The following PALM2AKAP2 variants were observed in gnomAD, a reference collection of about 807,000 sequenced individuals.
The protein encoded by PALM2AKAP2 is PALM2 and AKAP2 fusion, also known as PALM2-AKAP2 fusion protein.
PALM2AKAP2 carries 37 observed loss-of-function variants against 71.5 expected under a neutral mutation model. The ratio of observed to expected loss-of-function variants is 0.52; its 90% CI spans 0.40 to 0.68. PALM2AKAP2 has a LOEUF of 0.68. Among genes scored for constraint, PALM2AKAP2 ranks in the 30% least tolerant of loss-of-function variants. PALM2AKAP2 has a pLI of 0.00. For synonymous variants in PALM2AKAP2, 468 were observed against 478.8 expected (o/e 0.98, Z 0.29); for missense variants, 1,224 against 1,191.8 (o/e 1.03, Z -0.40).
intron 1 of PALM2AKAP2, among the ~76,000 whole-genome samples, chr9:109,704,717 T>G (rs1249231549): frequency 1.3e-5 from 2 of 152,194 alleles, no homozygotes; most frequent in Non-Finnish European, 2.9e-5. Flanking sequence ...ACCATCTACC[T>G]TCCCCATTGC....
chr9:109,712,886 TCTGAG>T (rs1320610119), intron 1 of PALM2AKAP2, among the ~76,000 whole-genome samples: 1 of 152,202 alleles, frequency 6.6e-6, no homozygotes, highest in Non-Finnish European at 1.5e-5. Context: ...GAAAAGTACT[TCTGAG>T]CTGAGCTGAA....
chr9:110,127,103 T>C (rs1005731822), intron 1 of PALM2AKAP2, among the ~76,000 whole-genome samples: 4 of 152,130 alleles, frequency 2.6e-5, no homozygotes, highest in African/African-American at 9.7e-5. Flanking sequence ...TTTTGACCAA[T>C]ACCGTAGAAG....
At chr9:109,858,084 T>A (rs1293483849) in intron 1 of PALM2AKAP2, among the ~76,000 whole-genome samples, 1 of 152,234 alleles carries the variant, frequency 6.6e-6, no homozygotes, top group African/African-American at 2.4e-5. Context: ...GTTAGTTCCA[T>A]CTTTGCTGTA....
At chr9:109,743,997 G>T (rs1828760008) in intron 1 of PALM2AKAP2, among the ~76,000 whole-genome samples, 1 of 152,156 alleles carries the variant, frequency 6.6e-6, no homozygotes, top group Admixed American at 6.6e-5. Flanking sequence ...AAAACCACAA[G>T]GTCATAGGCA....
At chr9:109,869,853 C>G (rs978415413) in intron 2 of PALM2AKAP2, among the ~76,000 whole-genome samples, 1 of 152,152 alleles carries the variant, frequency 6.6e-6, no homozygotes, top group Non-Finnish European at 1.5e-5. Flanking sequence ...ACCATGGCAA[C>G]CTTGCTATTG....
At chr9:110,148,421 C>A (rs1836230110) in intron 2 of PALM2AKAP2, 1 of 152,182 alleles carries the variant, frequency 6.6e-6, no homozygotes, top group Non-Finnish European at 1.5e-5. Flanking sequence ...AGATTCATAT[C>A]ATCACATTCT....
At chr9:110,126,149 G>C (rs1373382084) in intron 1 of PALM2AKAP2, among the ~76,000 whole-genome samples, 1 of 152,124 alleles carries the variant, frequency 6.6e-6, no homozygotes, top group Non-Finnish European at 1.5e-5. Flanking sequence ...GGGTATGGAA[G>C]GAGACCCTCG....
At chr9:109,684,389 A>T (rs1174742175) in intron 1 of PALM2AKAP2, among the ~76,000 whole-genome samples, 2 of 152,292 alleles carry the variant, frequency 1.3e-5, no homozygotes, top group East Asian at 3.9e-4. Flanking sequence ...GAGTGTTTTC[A>T]ATAGAACAGG....
chr9:109,784,093 C>G (rs1826898739), intron 1 of PALM2AKAP2, among the ~76,000 whole-genome samples: 2 of 152,172 alleles, frequency 1.3e-5, no homozygotes, highest in African/African-American at 4.8e-5. Context: ...GGGATACTCC[C>G]CAAACTTTAC....
intron 6 of PALM2AKAP2, among the ~76,000 whole-genome samples, chr9:109,933,212 CA>C (rs1445206705): frequency 6.6e-6 from 1 of 152,240 alleles, no homozygotes; most frequent in Admixed American, 6.5e-5. Flanking sequence ...CAGGAACCTG[CA>C]ACCTGCAGTT....
chr9:110,109,356 T>TA (rs35816224), intron 1 of PALM2AKAP2, among the ~76,000 whole-genome samples: 43,945 of 125,078 alleles, frequency 0.35, 7,356 homozygotes, highest in East Asian at 0.42. Context: ...AAGAAACATT[T>TA]AAAAAAAAAA....
intron 1 of PALM2AKAP2, among the ~76,000 whole-genome samples, chr9:109,859,085 G>T (rs2769144): frequency 0.27 from 40,495 of 152,050 alleles, 5,942 homozygotes; most frequent in Non-Finnish European, 0.31. Context: ...TGATAATATT[G>T]CATCTAAATT....
intron 3 of PALM2AKAP2, among the ~76,000 whole-genome samples, chr9:110,157,628 G>A (rs935427646): frequency 1.3e-5 from 2 of 152,022 alleles, no homozygotes; most frequent in African/African-American, 4.8e-5. Context: ...TTCAACTCCT[G>A]AGCTCAAGGG....
intron 3 of PALM2AKAP2, among the ~76,000 whole-genome samples, chr9:109,920,254 T>C (rs928295030): frequency 3.3e-5 from 5 of 152,222 alleles, no homozygotes; most frequent in African/African-American, 1.2e-4. Flanking sequence ...GTAACCCATC[T>C]ACCATAAGCC....
intron 1 of PALM2AKAP2, among the ~76,000 whole-genome samples, chr9:109,677,154 G>A (rs1321385633): frequency 6.6e-6 from 1 of 152,050 alleles, no homozygotes; most frequent in Admixed American, 6.6e-5. Flanking sequence ...TATTTTTGAG[G>A]GAAGGAAGCA....
At chr9:110,126,361 G>A (rs1156937690) in intron 1 of PALM2AKAP2, among the ~76,000 whole-genome samples, 1 of 152,118 alleles carries the variant, frequency 6.6e-6, no homozygotes, top group Non-Finnish European at 1.5e-5. Flanking sequence ...AAACCAAGAG[G>A]GACACAGCAA....
chr9:109,953,703 C>G (rs369829025), intron 6 of PALM2AKAP2, among the ~76,000 whole-genome samples: 3 of 151,868 alleles, frequency 2.0e-5, no homozygotes, highest in African/African-American at 7.3e-5. Context: ...GGCTTGGTGG[C>G]ACGTGCCTGT....
chr9:110,058,577 TGGTAAA>T (rs758401841), intron 1 of PALM2AKAP2, among the ~76,000 whole-genome samples: 16 of 152,120 alleles, frequency 1.1e-4, no homozygotes, highest in Non-Finnish European at 2.1e-4. Context: ...AATGAATAAT[TGGTAAA>T]GGGAACCAAA....
At chr9:110,161,308 C>T (rs534791062) in intron 3 of PALM2AKAP2, among the ~76,000 whole-genome samples, 1 of 152,120 alleles carries the variant, frequency 6.6e-6, no homozygotes. Context: ...CTTTAAATGC[C>T]CCAAGCAGTG....
Sources: allele counts gnomAD v4.1 joint callset (sites outside exome capture counted in the v4.1 genomes callset), GRCh38; gene constraint gnomAD v4.1.1; transcripts MANE v1.5; gene names NCBI Gene and HGNC (gene_info 2026-07-23, HGNC 2026-07-21).